Variants in IL4I1 observed in about 807,000 individuals in gnomAD.
The protein encoded by IL4I1 is interleukin 4 induced 1, also known as L-amino-acid oxidase.
In IL4I1, 24 loss-of-function variants were observed where a neutral mutation model predicts 29.7. The ratio of observed to expected loss-of-function variants is 0.81; its 90% CI spans 0.59 to 1.14. The LOEUF is 1.14. Among genes scored for constraint, IL4I1 ranks in the 50% most tolerant of loss-of-function variants. The pLI is 0.00. For missense variants in IL4I1, 686 were observed against 785.6 expected (o/e 0.87, Z 1.52); for synonymous variants, 371 against 352.5 (o/e 1.05, Z -0.59).
At chr19:49,892,537 G>A (rs1299852010) in intron 5 of IL4I1, among the ~76,000 whole-genome samples, 1 of 152,158 alleles carries the variant, frequency 6.6e-6, no homozygotes, top group African/African-American at 2.4e-5. Context: ...TGCCCTCAGG[G>A]CTCTCCCACC....
At position 49,896,254 on chromosome 19, in the gene IL4I1, T is replaced by C. The variant is rs1397043444; in HGVS notation, c.-22-72A>G. 7 of 1,454,010 alleles carry C rather than the reference T, an allele frequency of 4.8e-6. No homozygotes were observed. In the East Asian group the frequency reaches 7.5e-5, roughly 16 times the overall value. The allele number at this position is 1,454,010 out of a possible 1,614,324, so 90.1% of individuals were successfully genotyped here. A position where few individuals can be genotyped will look rare whatever the true frequency, so the allele number is the denominator to read the frequency against. ...CACTGTAGCCTGACTCTGTCTCCCA[T>C]GGGCTGCCCAGCTGCTAGAGCCGGC... is the stretch of plus-strand genomic sequence containing the variant. On this transcript the variant is annotated intron_variant, in intron 1 of 7. Coordinates refer to ENST00000391826, the MANE Select transcript of IL4I1 (RefSeq NM_152899.2).
intron 3 of IL4I1, among the ~76,000 whole-genome samples, chr19:49,902,569 T>A (rs2075280656): frequency 6.6e-6 from 1 of 152,116 alleles, no homozygotes; most frequent in Admixed American, 6.5e-5. Context: ...GGCTGACACC[T>A]GCAATCACAG....
chr19:49,892,352 G>A (rs1386553379), intron 5 of IL4I1, among the ~76,000 whole-genome samples: 2 of 152,152 alleles, frequency 1.3e-5, no homozygotes, highest in African/African-American at 4.8e-5. Context: ...AAAGTGCTGG[G>A]ATTACAGGCG....
intron 1 of IL4I1, chr19:49,929,032 A>T (rs1394121783): frequency 2.6e-5 from 4 of 152,172 alleles, no homozygotes; most frequent in African/African-American, 9.7e-5. Flanking sequence ...GAGAGGGAGG[A>T]GGGTCCCGGA....
intron 2 of IL4I1, among the ~76,000 whole-genome samples, chr19:49,913,332 CTA>C (rs1172858770): frequency 6.6e-6 from 1 of 152,192 alleles, no homozygotes; most frequent in Non-Finnish European, 1.5e-5. Flanking sequence ...AGGAGAATCT[CTA>C]TGTTCTTGAA....
rs1404905955 is a variant in IL4I1 at position 49,896,151 on chromosome 19, A to G, written c.10T>C (p.Leu4=). 4 of 1,543,870 alleles carry G rather than the reference A, an allele frequency of 2.6e-6. No individual in the cohort carries two copies. Among genetic ancestry groups the G allele is most frequent in the Non-Finnish European group, 3.5e-6 (4 of 1,142,852 alleles). The part of the protein sequence containing the change: MAP[L]ALHLLVLVPI... Reference sequence around the variant, plus strand: ...AGCCCCTCCCCTGCTTACTCACCCAATGGGGCCATGACTCTCGGTGGGAGA... The same window carrying G: ...AGCCCCTCCCCTGCTTACTCACCCAGTGGGGCCATGACTCTCGGTGGGAGA... The change falls in exon 2 of 8, where the codon TTG becomes CTG. Residue 4 remains leucine (L), a synonymous_variant. Coordinates refer to ENST00000391826, the MANE Select transcript of IL4I1 (RefSeq NM_152899.2).
At chr19:49,926,003 GT>G (rs2075877009) in intron 2 of IL4I1, among the ~76,000 whole-genome samples, 1 of 152,032 alleles carries the variant, frequency 6.6e-6, no homozygotes, top group South Asian at 2.1e-4. Flanking sequence ...GAGGTCATGA[GT>G]TCGAGACCAG....
chr19:49,903,664 T>G (rs1483088533), intron 3 of IL4I1, among the ~76,000 whole-genome samples: 1 of 152,078 alleles, frequency 6.6e-6, no homozygotes, highest in African/African-American at 2.4e-5. Context: ...TGAAGCTGAG[T>G]CATACCAGGT....
At chr19:49,899,028 G>A (rs540799377), upstream of IL4I1, among the ~76,000 whole-genome samples, 3 of 152,272 alleles carry the variant, frequency 2.0e-5, no homozygotes, top group Non-Finnish European at 2.9e-5. Flanking sequence ...CATTCACAGC[G>A]ACATGTCAAG....
intron 2 of IL4I1, among the ~76,000 whole-genome samples, chr19:49,914,541 C>T (rs1206852839): frequency 2.6e-5 from 4 of 152,036 alleles, no homozygotes; most frequent in East Asian, 1.9e-4. Flanking sequence ...ACAACACGGC[C>T]GCCTTCACAG....
intron 2 of IL4I1, chr19:49,908,937 C>A: frequency 6.2e-7 from 1 of 1,608,554 alleles, no homozygotes; most frequent in Non-Finnish European, 8.5e-7. Flanking sequence ...AAATTCAAGG[C>A]AAAGCCGGTG....
At chr19:49,927,428 G>A (rs895617714) in intron 2 of IL4I1, among the ~76,000 whole-genome samples, 1 of 152,128 alleles carries the variant, frequency 6.6e-6, no homozygotes, top group African/African-American at 2.4e-5. Flanking sequence ...TTTTGGTAAG[G>A]TTTACAAATT....
intron 4 of IL4I1, 91 bp from the exon 5 acceptor site, chr19:49,894,560 A>G (rs2075181071): frequency 7.6e-6 from 4 of 523,586 alleles, no homozygotes; most frequent in East Asian, 5.1e-5. Flanking sequence ...GGGAGGGGAG[A>G]GTAGCTGGGG....
At position 49,894,401 on chromosome 19, in the gene IL4I1, G is replaced by A. The variant is rs776097662; in HGVS notation, c.434C>T (p.Thr145Met). ...LTKFTQYDKN[T>M]WTEVHEVKLR... ...CTTCACTTCGTGCACCTCCGTCCACGTGTTCTTGTCGTACTGGGTGAACTT... is the reference window on the plus strand; with the variant it reads ...CTTCACTTCGTGCACCTCCGTCCACATGTTCTTGTCGTACTGGGTGAACTT... Residue 145 changes from threonine (T) to methionine (M), a missense_variant, in exon 5 of 8, where the codon ACG (threonine) becomes ATG (methionine). By Grantham distance (81) the Thr-to-Met change is moderately conservative. Transcript: ENST00000391826. The A allele has an allele frequency of 3.7e-6, 6 of 1,614,110 alleles. No homozygotes were observed. Among genetic ancestry groups the A allele is most frequent in the East Asian group, 2.2e-5 (1 of 44,894 alleles).
In IL4I1 at chr19:49,891,392, G is replaced by A. The variant is rs770967920; in HGVS notation, c.636+13C>T. 1.2e-6 allele frequency: 2 copies of A among 1,613,366 alleles called. No homozygotes were observed. Among genetic ancestry groups the A allele is most frequent in the Admixed American group, 3.3e-5 (2 of 60,012 alleles). On this transcript the variant is annotated intron_variant, in intron 6 of 7. Coordinates refer to ENST00000391826, the MANE Select transcript of IL4I1 (RefSeq NM_152899.2). The stretch of plus-strand genomic sequence containing the variant: ...TTGCCCTGCATCTCAGCAGAACCAA[G>A]ATCCCCACTTACCAAGAGCGTGTGC...
chr19:49,926,389 G>A (rs1260025784), intron 2 of IL4I1, among the ~76,000 whole-genome samples: 1 of 152,042 alleles, frequency 6.6e-6, no homozygotes, highest in South Asian at 2.1e-4. Context: ...AATTAGCCAG[G>A]CGTGGTGGTG....
At chr19:49,929,083 CAGG>C (rs2075991932) in intron 1 of IL4I1, 1 of 152,406 alleles carries the variant, frequency 6.6e-6, no homozygotes. Flanking sequence ...CCCTGATCCC[CAGG>C]AGGAGGGGAC....
In IL4I1 at chr19:49,891,127, C is replaced by T. The variant is rs759186259; in HGVS notation, c.637-20G>A. On this transcript the variant is annotated intron_variant, in intron 6 of 7. Transcript: ENST00000391826. The stretch of plus-strand genomic sequence containing the variant: ...ATATTCCTGCAGGTTGGGCACAGGC[C>T]GAGGTTAGGGCCCAGGCAGGCTGCA... 4 of 1,608,404 alleles carry T rather than the reference C, an allele frequency of 2.5e-6. No individual in the cohort carries two copies. The highest frequency in any genetic ancestry group is 2.7e-5 in the African/African-American group (2 of 74,576).
intron 2 of IL4I1, among the ~76,000 whole-genome samples, chr19:49,920,994 C>T (rs1403519081): frequency 6.6e-6 from 1 of 152,150 alleles, no homozygotes; most frequent in African/African-American, 2.4e-5. Context: ...CTCTGGGAAC[C>T]AGGTGAAGGC....
Sources: gnomAD v4.1 joint callset for allele counts (sites outside exome capture counted in the v4.1 genomes callset) on GRCh38, gnomAD v4.1.1 for gene constraint, MANE v1.5 for transcripts, NCBI Gene and HGNC (gene_info 2026-07-23, HGNC 2026-07-21) for gene names.